Variants in POT1 observed in about 807,000 individuals in gnomAD.
POT1 encodes protection of telomeres protein 1.
In POT1, 47 loss-of-function variants were observed where a neutral mutation model predicts 78.5. The observed-to-expected ratio is 0.60, with a 90% confidence interval of 0.47 to 0.76. The LOEUF is 0.76. Among genes scored for constraint, POT1 ranks in the 30% least tolerant of loss-of-function variants. The pLI, the probability that POT1 is intolerant of heterozygous loss-of-function variation, is 0.00. For missense variants in POT1, 646 were observed against 749.9 expected, an observed-to-expected ratio of 0.86 and a Z score of 1.62; for synonymous variants, 259 against 260.7, an observed-to-expected ratio of 0.99 and a Z score of 0.06.
At position 124,823,308 on chromosome 7, in the gene POT1, T is replaced by A. The variant is rs1329421401; in HGVS notation, c.*654A>T. ...CTAATATTAAACCAGGTAATTTATA[T>A]CTGTCTTTGGCAAATAACATACACA... On this transcript the variant is annotated 3_prime_UTR_variant, in exon 19 of 19. Transcript: ENST00000357628. The A allele has an allele frequency of 6.6e-6, 1 of 152,012 alleles. No individual in the cohort carries two copies. Among genetic ancestry groups the A allele is most frequent in the East Asian group, 1.9e-4 (1 of 5,186 alleles). The allele number at this position is 152,012 out of a possible 1,614,324, so 9.4% of individuals were successfully genotyped here.
rs1554421673 is a variant in POT1 at position 124,846,184 on chromosome 7, C to CA, written c.1006+757_1006+758insT. ...ACTGACACACACACACACACACACA[C>CA]CCCTATAATATAAACAAATGTGTAC... On this transcript the variant is annotated intron_variant, in intron 12 of 18. Transcript: ENST00000357628. Among the ~76,000 whole-genome samples, 12 of 150,690 alleles carry CA rather than the reference C, an allele frequency of 8.0e-5. No individual in the cohort carries two copies. The South Asian group carries it at 1.5e-3, about 18-fold the overall frequency.
intron 7 of POT1, among the ~76,000 whole-genome samples, chr7:124,864,738 T>C (rs747397988): frequency 6.6e-6 from 1 of 152,198 alleles, no homozygotes; most frequent in Non-Finnish European, 1.5e-5. Context: ...CATTTACTTA[T>C]CCCATCCATC....
chr7:124,869,839 C>T (rs1315671954), intron 7 of POT1, among the ~76,000 whole-genome samples: 1 of 152,132 alleles, frequency 6.6e-6, no homozygotes, highest in Admixed American at 6.6e-5. Flanking sequence ...CATCAACCTC[C>T]CAAAGTGCTG....
chr7:124,902,482 T>A (rs1796646056), intron 3 of POT1, among the ~76,000 whole-genome samples: 1 of 152,098 alleles, frequency 6.6e-6, no homozygotes, highest in Admixed American at 6.6e-5. Flanking sequence ...TGCTGAAAGA[T>A]TTTGTCACCA....
At chr7:124,829,456 G>T in intron 15 of POT1, 114 bp from the exon 16 acceptor site, 1 of 643,550 alleles carries the variant, frequency 1.6e-6, no homozygotes. Flanking sequence ...TTAAACAGAA[G>T]AATACTGCAT....
At chr7:124,880,821 GA>G (rs11317764) in intron 6 of POT1, among the ~76,000 whole-genome samples, 91,147 of 151,652 alleles carry the variant, frequency 0.6, 27,508 homozygotes, top group African/African-American at 0.65. Context: ...CAATTTTACA[GA>G]GGAACGTGAC....
intron 6 of POT1, among the ~76,000 whole-genome samples, chr7:124,890,078 T>C (rs1273537451): frequency 1.3e-5 from 2 of 151,974 alleles, no homozygotes; most frequent in African/African-American, 4.8e-5. Flanking sequence ...GTATTTATTC[T>C]AGATGACATC....
chr7:124,848,601 T>C (rs1584762721), intron 11 of POT1: 1 of 193,102 alleles, frequency 5.2e-6, no homozygotes, highest in Non-Finnish European at 1.1e-5. Context: ...AGGTGGAGGC[T>C]GCAATGAGCC....
rs372029809 is a variant in POT1 at position 124,822,753 on chromosome 7, T to C, written c.*1209A>G. On this transcript the variant is annotated 3_prime_UTR_variant, in exon 19 of 19. Transcript: ENST00000357628. The stretch of plus-strand genomic sequence containing the variant: ...GTCGATGATGGGGGACATTGGTAGT[T>C]AGGTAAAGAAGATGTGTTAATGTAC... 8.3e-6 allele frequency: 2 copies of C among 242,200 alleles called. No individual in the cohort carries two copies. The highest frequency in any genetic ancestry group is 4.8e-5 in the South Asian group (1 of 20,730). 15.0% of individuals were successfully genotyped at this position (242,200 alleles called of 1,614,324 possible).
At chr7:124,923,190 C>G (rs1235412675) in intron 2 of POT1, among the ~76,000 whole-genome samples, 1 of 151,180 alleles carries the variant, frequency 6.6e-6, no homozygotes, top group Non-Finnish European at 1.5e-5. Context: ...CCTCGAAATG[C>G]CAGATAAAGA....
intron 6 of POT1, among the ~76,000 whole-genome samples, chr7:124,882,785 T>C (rs1037887188): frequency 2.0e-5 from 3 of 152,038 alleles, no homozygotes; most frequent in African/African-American, 4.8e-5. Context: ...TAAATTAGTA[T>C]GCTAATAATT....
At chr7:124,848,195 T>C (rs532545675) in intron 11 of POT1, among the ~76,000 whole-genome samples, 2 of 152,180 alleles carry the variant, frequency 1.3e-5, no homozygotes, top group Non-Finnish European at 2.9e-5. Context: ...TCAAAACTCA[T>C]GGAGTGGTTC....
chr7:124,909,168 G>A (rs1214259127), intron 3 of POT1, among the ~76,000 whole-genome samples: 1 of 151,478 alleles, frequency 6.6e-6, no homozygotes, highest in Non-Finnish European at 1.5e-5. Context: ...AGAATACTTT[G>A]GAAAAGTCTT....
chr7:124,845,046 C>A (rs762987904), intron 12 of POT1, among the ~76,000 whole-genome samples: 4 of 152,124 alleles, frequency 2.6e-5, no homozygotes, highest in Non-Finnish European at 5.9e-5. Flanking sequence ...ATTATGCCTC[C>A]TTTCCTCTAA....
At chr7:124,830,876 GGA>G (rs1456638052) in intron 15 of POT1, among the ~76,000 whole-genome samples, 3 of 152,090 alleles carry the variant, frequency 2.0e-5, no homozygotes, top group African/African-American at 7.2e-5. Flanking sequence ...CTAGAAGTAT[GGA>G]TGAAACTGAC....
At chr7:124,870,811 GTTC>G in intron 7 of POT1, 97 bp downstream of exon 7, 1 of 1,001,642 alleles carries the variant, frequency 1.0e-6, no homozygotes, top group Non-Finnish European at 1.3e-6. Flanking sequence ...TTGCTGTCAT[GTTC>G]TAACAAAGCA....
chr7:124,897,168 A>G lies in POT1; in HGVS notation c.6T>C (p.Ser2=). The change falls in exon 5 of 19, where the codon TCT becomes TCC. Residue 2 remains serine (S), a synonymous_variant. Transcript: ENST00000357628. M[S]LVPATNYIYT... ...ATTAAACTGAATATCATCTTACCAAAGACATTGATTCTGTAGAAAAATCTC... is the reference window on the plus strand; with the variant it reads ...ATTAAACTGAATATCATCTTACCAAGGACATTGATTCTGTAGAAAAATCTC... 6.9e-7 allele frequency: 1 copy of G among 1,454,556 alleles called. No homozygotes were observed. Among genetic ancestry groups the G allele is most frequent in the South Asian group, 1.2e-5 (1 of 82,818 alleles). 90.1% of individuals were successfully genotyped at this position (1,454,556 alleles called of 1,614,324 possible).
intron 14 of POT1, among the ~76,000 whole-genome samples, chr7:124,839,681 T>A (rs1472128547): frequency 6.6e-6 from 1 of 152,234 alleles, no homozygotes; most frequent in South Asian, 2.1e-4. Flanking sequence ...ATTCTCATTA[T>A]TTTTTTAAAT....
Position 124,829,289 on chromosome 7 carries a change from T to C in POT1, c.1559A>G (p.Asp520Gly), listed in dbSNP as rs1370868219. The C allele has an allele frequency of 1.1e-5, 17 of 1,606,178 alleles. No individual in the cohort carries two copies. The highest frequency in any genetic ancestry group is 1.3e-5 in the Non-Finnish European group (15 of 1,173,114). Residue 520 changes from aspartate (D) to glycine (G), a missense_variant, in exon 16 of 19, where the codon GAT becomes GGT. Asp to Gly is a moderately conservative substitution (Grantham distance 94, BLOSUM62 -1). This residue lies in a region of POT1 where 394 missense variants were observed against 408.4 expected (regional missense o/e 0.96). Coordinates refer to ENST00000357628, the MANE Select transcript of POT1 (RefSeq NM_015450.3). ...AGAAGAAGGAATCCACGATGTTTTA[T>C]CAACCAGGGAATTTAGATTTTGTAT... ...RSIQNLNSLV[D>G]KTSWIPSSVA...
Sources: allele counts gnomAD v4.1 joint callset (sites outside exome capture counted in the v4.1 genomes callset), GRCh38; gene constraint gnomAD v4.1.1; regional missense constraint gnomAD v4.1.1; transcripts MANE v1.5; gene names NCBI Gene and HGNC (gene_info 2026-07-23, HGNC 2026-07-21).